CRIPT: variants seen among roughly 807,000 people sequenced by gnomAD.
The protein encoded by CRIPT is CXXC repeat containing interactor of PDZ3 domain, also known as cysteine-rich PDZ-binding protein.
In CRIPT, 20 loss-of-function variants were observed where a neutral mutation model predicts 16.6. The observed-to-expected ratio is 1.20, with a 90% CI of 0.85 to 1.75. The LOEUF is 1.75. CRIPT is among the 40% of genes most tolerant of loss of function. CRIPT has a pLI of 0.00. For missense variants in CRIPT, 133 were observed against 115.3 expected (o/e 1.15, Z -0.70); for synonymous variants, 42 against 37.0 (o/e 1.14, Z -0.49).
intron 1 of CRIPT, 119 bp downstream of exon 1, chr2:46,617,417 T>G: frequency 1.7e-6 from 2 of 1,164,864 alleles, no homozygotes; most frequent in Non-Finnish European, 1.2e-6. Flanking sequence ...TTCTATCCGC[T>G]GTCTTTCTAC....
chr2:46,619,442 C>G (rs1430767704), intron 2 of CRIPT, among the ~76,000 whole-genome samples, 185 bp from the exon 3 acceptor site: 2 of 151,926 alleles, frequency 1.3e-5, no homozygotes, highest in East Asian at 3.9e-4. Flanking sequence ...GTATTTTATA[C>G]AAATTTTTAC....
At chr2:46,622,036 T>G (rs1026220589) in intron 3 of CRIPT, among the ~76,000 whole-genome samples, 1 of 152,248 alleles carries the variant, frequency 6.6e-6, no homozygotes, top group Non-Finnish European at 1.5e-5. Flanking sequence ...ATTTATAAGA[T>G]GCATTGTTAC....
chr2:46,623,927 G>A, intron 4 of CRIPT, 60 bp downstream of exon 4: 1 of 1,237,670 alleles, frequency 8.1e-7, no homozygotes, highest in Non-Finnish European at 1.2e-6. Flanking sequence ...CTGCTAATTT[G>A]GTTAACAGAA....
rs1255517173 is a variant in CRIPT at position 46,628,859 on chromosome 2, G to C, written c.*4632G>C. Among the ~76,000 whole-genome samples, 1 of 152,096 alleles carries C rather than the reference G, an allele frequency of 6.6e-6. No homozygotes were observed. The highest frequency in any genetic ancestry group is 6.5e-5 in the Admixed American group (1 of 15,270). On this transcript the variant is annotated 3_prime_UTR_variant, in exon 5 of 5. Coordinates refer to ENST00000238892, the MANE Select transcript of CRIPT (RefSeq NM_014171.6). ...GACACTATAACCAAATAAGATGACA[G>C]AATTAAGGCCTTATGCCACAGCCAG...
Position 46,625,137 on chromosome 2 carries a change from A to T in CRIPT, c.*910A>T, listed in dbSNP as rs554443754. ...GCCCAGGGTGGAGTGCAGAGGTATC[A>T]TCAGGCTCTCTGCAGCCTCCATCTG... On this transcript the variant is annotated 3_prime_UTR_variant, in exon 5 of 5. Transcript: ENST00000238892. The T allele has an allele frequency of 7.0e-6, 1 of 143,042 alleles. No homozygotes were observed. Among genetic ancestry groups the T allele is most frequent in the Non-Finnish European group, 1.5e-5 (1 of 67,216 alleles). The allele number at this position is 143,042 out of a possible 1,614,324, so 8.9% of individuals were successfully genotyped here. A position where few individuals can be genotyped will look rare whatever the true frequency, so the allele number is the denominator to read the frequency against.
rs138372817 is a variant in CRIPT, at chr2:46,622,589, G to A, written c.138-1175G>A. Among the ~76,000 whole-genome samples the A allele has an allele frequency of 4.7e-3, 718 of 152,070 alleles. 7 individuals carry two copies. The highest frequency in any genetic ancestry group is 0.017 in the African/African-American group (694 of 41,476). ...AGCACTTTGGGAGGCCAACGCAGGC[G>A]GATCTCCTGAGGTTGGGAGTTCGAG... On this transcript the variant is annotated intron_variant, in intron 3 of 4. Coordinates refer to ENST00000238892, the MANE Select transcript of CRIPT (RefSeq NM_014171.6).
At chr2:46,621,007 A>AC (rs1264374711) in intron 3 of CRIPT, among the ~76,000 whole-genome samples, 1 of 152,064 alleles carries the variant, frequency 6.6e-6, no homozygotes, top group Admixed American at 6.5e-5. Context: ...GTAACCTGAA[A>AC]CCACCTGCTT....
chr2:46,623,563 T>C (rs1335679580), intron 3 of CRIPT, among the ~76,000 whole-genome samples: 1 of 152,160 alleles, frequency 6.6e-6, no homozygotes, highest in Non-Finnish European at 1.5e-5. Context: ...TTTATAAGTA[T>C]ATATCTCACA....
At chr2:46,617,390 C>T in intron 1 of CRIPT, 92 bp downstream of exon 1, 4 of 1,387,728 alleles carry the variant, frequency 2.9e-6, no homozygotes, top group Non-Finnish European at 9.8e-7. Context: ...GTTTTTTCTT[C>T]GCCCACAGGT....
Position 46,627,002 on chromosome 2 carries a change from T to C in CRIPT, c.*2775T>C, listed in dbSNP as rs753537494. Among the ~76,000 whole-genome samples, 1 of 152,102 alleles carries C rather than the reference T, an allele frequency of 6.6e-6. No homozygotes were observed. The highest frequency in any genetic ancestry group is 1.5e-5 in the Non-Finnish European group (1 of 68,026). ...TGCCTGCCACCAAGCGTGGCTAATT[T>C]TGGTACTTTTAGTAGAGACAGGGTT... On this transcript the variant is annotated 3_prime_UTR_variant, in exon 5 of 5. Transcript: ENST00000238892.
chr2:46,623,401 G>T (rs573699715), intron 3 of CRIPT, among the ~76,000 whole-genome samples: 6 of 152,190 alleles, frequency 3.9e-5, no homozygotes, highest in African/African-American at 1.4e-4. Context: ...ATGATTCCTA[G>T]TCATCCTAAA....
Position 46,624,478 on chromosome 2 carries a change from T to C in CRIPT, c.*251T>C, listed in dbSNP as rs1276708144. 6.8e-6 allele frequency: 2 copies of C among 293,712 alleles called. No individual in the cohort carries two copies. The highest frequency in any genetic ancestry group is 1.0e-4 in the Admixed American group (2 of 19,772). The allele number at this position is 293,712 out of a possible 1,614,324, so 18.2% of individuals were successfully genotyped here. On this transcript the variant is annotated 3_prime_UTR_variant, in exon 5 of 5. Transcript: ENST00000238892. ...AAATTCCATGAAAATATTTCTCAGT[T>C]CTGTATGCACTTTTATTTAACATTA... is the stretch of plus-strand genomic sequence containing the variant.
At chr2:46,620,929 G>C (rs1156514017) in intron 3 of CRIPT, among the ~76,000 whole-genome samples, 1 of 151,732 alleles carries the variant, frequency 6.6e-6, no homozygotes, top group African/African-American at 2.4e-5. Flanking sequence ...TCCTCACTGA[G>C]TCCTCCCTTT....
In CRIPT at chr2:46,629,847, C is replaced by G. The variant is rs1671028600; in HGVS notation, c.*5620C>G. On this transcript the variant is annotated 3_prime_UTR_variant, in exon 5 of 5. Coordinates refer to ENST00000238892, the MANE Select transcript of CRIPT (RefSeq NM_014171.6). ...TGAGACCTTGTTGACAATTCTGTTC[C>G]TCATCAAATCTACCCCTCCTAGGTT... Among the ~76,000 whole-genome samples the G allele has an allele frequency of 1.3e-5, 2 of 152,106 alleles. No individual in the cohort carries two copies. The highest frequency in any genetic ancestry group is 4.1e-4 in the South Asian group (2 of 4,826).
Position 46,617,291 on chromosome 2 carries a change from CG to C in CRIPT, c.10del (p.Glu4LysfsTer31). 1 of 1,554,938 alleles carries C rather than the reference CG, an allele frequency of 6.4e-7. No homozygotes were observed. Among genetic ancestry groups the C allele is most frequent in the Non-Finnish European group, 8.7e-7 (1 of 1,148,334 alleles). MVC[E>X]KCEKKLGTVI... ...AACCGTCGTGGGGAAGGATGGTGTG[CG>C]AAAAATGTGAGTTAAGGGGCCGCTT... is the stretch of plus-strand genomic sequence containing the variant. On this transcript the variant is annotated frameshift_variant, in exon 1 of 5. Transcript: ENST00000238892. LOFTEE classifies it high-confidence loss of function.
At chr2:46,622,369 C>CA (rs1239573643) in intron 3 of CRIPT, among the ~76,000 whole-genome samples, 1,315 of 73,276 alleles carry the variant, frequency 0.018, 15 homozygotes, top group African/African-American at 0.062. Flanking sequence ...GACTCCGTCT[C>CA]AAAAAAAAAA....
At chr2:46,624,047 T>TTTTTTTTTTTC in intron 4 of CRIPT, 116 bp from the exon 5 acceptor site, 1 of 472,260 alleles carries the variant, frequency 2.1e-6, no homozygotes, top group South Asian at 9.2e-5. Flanking sequence ...ATATATTTTT[T>TTTTTTTTTTTC]TTTTCTTTTC....
intron 3 of CRIPT, among the ~76,000 whole-genome samples, chr2:46,622,360 A>G (rs1211881092): frequency 4.1e-5 from 6 of 147,374 alleles, no homozygotes; most frequent in Non-Finnish European, 9.0e-5. Flanking sequence ...ACAGAGCGAG[A>G]CTCCGTCTCA....
Position 46,625,449 on chromosome 2 carries a change from A to G in CRIPT, c.*1222A>G, listed in dbSNP as rs796507285. 6.8e-5 allele frequency: 9 copies of G among 132,554 alleles called. No individual in the cohort carries two copies. Among genetic ancestry groups the G allele is most frequent in the African/African-American group, 2.6e-4 (9 of 34,756 alleles). 8.2% of individuals were successfully genotyped at this position (132,554 alleles called of 1,614,324 possible). A position where few individuals can be genotyped will look rare whatever the true frequency, so the allele number is the denominator to read the frequency against. ...AATACTTTTCTTATGTTGCCTTCAGAGGTTCAGGACTTCTGCTTTTAAAAC... is the reference window on the plus strand; with the variant it reads ...AATACTTTTCTTATGTTGCCTTCAGGGGTTCAGGACTTCTGCTTTTAAAAC... On this transcript the variant is annotated 3_prime_UTR_variant, in exon 5 of 5. Transcript: ENST00000238892.
Sources: gnomAD v4.1 joint callset for allele counts (sites outside exome capture counted in the v4.1 genomes callset) on GRCh38, gnomAD v4.1.1 for gene constraint, MANE v1.5 for transcripts, NCBI Gene and HGNC (gene_info 2026-07-23, HGNC 2026-07-21) for gene names.